RPS6KL1: variants seen among roughly 807,000 people sequenced by gnomAD.
RPS6KL1 encodes the protein ribosomal protein S6 kinase-like 1.
A neutral mutation model predicts 57.0 loss-of-function variants in RPS6KL1; 41 were observed. The ratio of observed to expected loss-of-function variants is 0.72; its 90% CI spans 0.56 to 0.93. The LOEUF (loss-of-function observed/expected upper bound fraction) is 0.93, where lower values mean the gene tolerates loss of function less well. Ranked by LOEUF, RPS6KL1 falls within the 40% of genes least tolerant of loss-of-function variation. The pLI, the probability that RPS6KL1 is intolerant of heterozygous loss-of-function variation, is 0.00. For missense variants in RPS6KL1, 697 were observed against 727.7 expected, an observed-to-expected ratio of 0.96 and a Z score of 0.49; for synonymous variants, 287 against 309.7, an observed-to-expected ratio of 0.93 and a Z score of 0.77.
intron 4 of RPS6KL1, 81 bp downstream of exon 4, chr14:74,919,764 C>A (rs1202671078): frequency 3.3e-6 from 5 of 1,501,840 alleles, no homozygotes; most frequent in Non-Finnish European, 4.5e-6. Context: ...CCAGGGCGGG[C>A]CTGTGGGTGT....
Position 74,920,104 on chromosome 14 carries a change from C to A in RPS6KL1, c.266-135G>T, listed in dbSNP as rs976567441. The A allele has an allele frequency of 1.0e-4, 119 of 1,144,862 alleles. No individual in the cohort carries two copies. In the African/African-American group the frequency reaches 1.7e-3, roughly 16 times the overall value. 70.9% of individuals were successfully genotyped at this position (1,144,862 alleles called of 1,614,324 possible). A position where few individuals can be genotyped will look rare whatever the true frequency, so the allele number is the denominator to read the frequency against. ...AGGCTGGTTCGGCAGATTCTGCCCCCAGATTGCTTCATGAGCCCCTCCTCT... is the reference window on the plus strand; with the variant it reads ...AGGCTGGTTCGGCAGATTCTGCCCCAAGATTGCTTCATGAGCCCCTCCTCT... On this transcript the variant is annotated intron_variant, in intron 3 of 11. Transcript: ENST00000557413.
chr14:74,906,780 G>A lies in RPS6KL1; in HGVS notation c.*234C>T. ...GTTGACTGATGGGTAGATGGTTCAA[G>A]CTGCTTAGCAGGGCAAGCCTTGACT... is the stretch of plus-strand genomic sequence containing the variant. On this transcript the variant is annotated 3_prime_UTR_variant, in exon 12 of 12. Transcript: ENST00000557413. The A allele has an allele frequency of 5.9e-6, 4 of 680,730 alleles. No homozygotes were observed. The highest frequency in any genetic ancestry group is 1.5e-5 in the South Asian group (1 of 67,738). The allele number at this position is 680,730 out of a possible 1,614,324, so 42.2% of individuals were successfully genotyped here. A position where few individuals can be genotyped will look rare whatever the true frequency, so the allele number is the denominator to read the frequency against.
intron 3 of RPS6KL1, 66 bp from the exon 4 acceptor site, chr14:74,920,035 A>G: frequency 1.3e-6 from 2 of 1,595,638 alleles, no homozygotes; most frequent in South Asian, 1.1e-5. Flanking sequence ...TCCAGCTCCC[A>G]TTGCCTGCCC....
rs1029894113 is a variant in RPS6KL1 at position 74,906,307 on chromosome 14, C to T, written c.*707G>A. On this transcript the variant is annotated 3_prime_UTR_variant, in exon 12 of 12. Coordinates refer to ENST00000557413, the MANE Select transcript of RPS6KL1 (RefSeq NM_031464.5). Reference sequence around the variant, plus strand: ...TCAGACTTGCTCTAAGGGGCAGACCCATGCATTCCTTCCTCCCCCCATTAC... The same window carrying T: ...TCAGACTTGCTCTAAGGGGCAGACCTATGCATTCCTTCCTCCCCCCATTAC... 2.3e-5 allele frequency: 8 copies of T among 348,916 alleles called. No individual in the cohort carries two copies. The highest frequency in any genetic ancestry group is 6.5e-5 in the African/African-American group (3 of 46,372). 21.6% of individuals were successfully genotyped at this position (348,916 alleles called of 1,614,324 possible).
chr14:74,916,630 G>A (rs1464333865), intron 5 of RPS6KL1, among the ~76,000 whole-genome samples: 2 of 151,872 alleles, frequency 1.3e-5, no homozygotes, highest in African/African-American at 2.4e-5. Context: ...GCAGTGAGCC[G>A]AGATCACGCC....
At position 74,906,612 on chromosome 14, in the gene RPS6KL1, C is replaced by T. The variant is rs774593667; in HGVS notation, c.*402G>A. 1 of 532,046 alleles carries T rather than the reference C, an allele frequency of 1.9e-6. No homozygotes were observed. The highest frequency in any genetic ancestry group is 5.4e-5 in the East Asian group (1 of 18,454). 33.0% of individuals were successfully genotyped at this position (532,046 alleles called of 1,614,324 possible). A position where few individuals can be genotyped will look rare whatever the true frequency, so the allele number is the denominator to read the frequency against. On this transcript the variant is annotated 3_prime_UTR_variant, in exon 12 of 12. Transcript: ENST00000557413. Reference sequence around the variant, plus strand: ...GGATCAGTGTCCTGAGATGAGTCTCCAGAGATGTCCTGAGTGGGGCACAAC... The same window carrying T: ...GGATCAGTGTCCTGAGATGAGTCTCTAGAGATGTCCTGAGTGGGGCACAAC...
rs1020246150 is a variant in RPS6KL1, at chr14:74,910,276, C to T, written c.665-128G>A. Reference sequence around the variant, plus strand: ...ACTTTCCGCCTCTGGGTGTCCTGGCCTAGTTCAGCCCCTCACCTCTGCTCC... The same window carrying T: ...ACTTTCCGCCTCTGGGTGTCCTGGCTTAGTTCAGCCCCTCACCTCTGCTCC... On this transcript the variant is annotated intron_variant, in intron 7 of 11. Coordinates refer to ENST00000557413, the MANE Select transcript of RPS6KL1 (RefSeq NM_031464.5). The T allele has an allele frequency of 6.4e-6, 7 of 1,095,038 alleles. No individual in the cohort carries two copies. The African/African-American group carries it at 1.1e-4, about 17-fold the overall frequency. The allele number at this position is 1,095,038 out of a possible 1,614,324, so 67.8% of individuals were successfully genotyped here.
intron 5 of RPS6KL1, among the ~76,000 whole-genome samples, chr14:74,916,524 C>CA (rs1179363060): frequency 3.3e-5 from 5 of 152,114 alleles, no homozygotes; most frequent in Non-Finnish European, 7.4e-5. Context: ...GATCTCTCTA[C>CA]AAAAAATAGA....
At chr14:74,911,690 G>T in intron 6 of RPS6KL1, 104 bp downstream of exon 6, 1 of 1,095,754 alleles carries the variant, frequency 9.1e-7, no homozygotes, top group Non-Finnish European at 1.3e-6. Context: ...AGCTTTTGTG[G>T]GAGGGAGTGC....
chr14:74,913,852 G>A (rs1886423955), intron 5 of RPS6KL1, among the ~76,000 whole-genome samples: 1 of 152,252 alleles, frequency 6.6e-6, no homozygotes, highest in African/African-American at 2.4e-5. Context: ...TGGCTGTAAA[G>A]TGGTTACTCT....
At position 74,911,347 on chromosome 14, in the gene RPS6KL1, G is replaced by A. The variant is rs753149205; in HGVS notation, c.565C>T (p.Arg189Trp). 70 of 1,609,536 alleles carry A rather than the reference G, an allele frequency of 4.3e-5. No homozygotes were observed. The highest frequency in any genetic ancestry group is 1.6e-4 in the East Asian group (7 of 44,882). The change falls in exon 7 of 12, where the codon CGG (arginine) becomes TGG (tryptophan). Residue 189 changes from arginine (R) to tryptophan (W), a missense_variant. Transcript: ENST00000557413. ...LPRCHMVSRE[R>W]LTIIPHGVPY... ...ACTCCGTGTGGGATGATGGTCAGCC[G>A]CTCCCTGCTCACCATGTGGCACCTG...
chr14:74,909,442 G>A, intron 8 of RPS6KL1, 101 bp downstream of exon 8: 1 of 1,439,426 alleles, frequency 6.9e-7, no homozygotes, highest in Non-Finnish European at 9.3e-7. Flanking sequence ...GGGCCAGGGA[G>A]GAGCAGACAA....
intron 5 of RPS6KL1, among the ~76,000 whole-genome samples, chr14:74,914,204 C>A (rs997329107): frequency 6.6e-6 from 1 of 152,222 alleles, no homozygotes; most frequent in African/African-American, 2.4e-5. Context: ...AGCCAGAGAC[C>A]GAGTCCAGCC....
In RPS6KL1 at chr14:74,910,031, G is replaced by C; in HGVS notation, c.782C>G (p.Thr261Ser). ...ATGGCCTGAGGGAAGCCTCGCTGGG[G>C]TCAGGAGGTTGAGGTGGGGGTTGAG... Reference protein sequence around the residue: ...AQLNPHLNLLTPARLPSGHAP... With the variant: ...AQLNPHLNLLSPARLPSGHAP... The change falls in exon 8 of 12, where the codon ACC becomes AGC. Residue 261 changes from threonine to serine, a missense_variant. Thr to Ser is a moderately conservative substitution (Grantham distance 58). Coordinates refer to ENST00000557413, the MANE Select transcript of RPS6KL1 (RefSeq NM_031464.5). 6.2e-7 allele frequency: 1 copy of C among 1,613,658 alleles called. No individual in the cohort carries two copies. The highest frequency in any genetic ancestry group is 8.5e-7 in the Non-Finnish European group (1 of 1,179,880).
In RPS6KL1 at chr14:74,904,944, C is replaced by T. The variant is rs1296125487; in HGVS notation, c.*2070G>A. On this transcript the variant is annotated 3_prime_UTR_variant, in exon 12 of 12. Coordinates refer to ENST00000557413, the MANE Select transcript of RPS6KL1 (RefSeq NM_031464.5). The stretch of plus-strand genomic sequence containing the variant: ...CTGAGCTCTTGCAGTGAGGCCATCC[C>T]TCTGTGAAGGTCTGTCACAGGAGGG... 4 of 152,174 alleles carry T rather than the reference C, an allele frequency of 2.6e-5. No individual in the cohort carries two copies. Among genetic ancestry groups the T allele is most frequent in the Admixed American group, 2.0e-4 (3 of 15,280 alleles). 9.4% of individuals were successfully genotyped at this position (152,174 alleles called of 1,614,324 possible). A position where few individuals can be genotyped will look rare whatever the true frequency, so the allele number is the denominator to read the frequency against.
intron 5 of RPS6KL1, among the ~76,000 whole-genome samples, chr14:74,915,168 T>C (rs1886636580): frequency 6.6e-6 from 1 of 152,240 alleles, no homozygotes; most frequent in Non-Finnish European, 1.5e-5. Flanking sequence ...GCACTTGAAA[T>C]GTGACTGGTG....
intron 5 of RPS6KL1, among the ~76,000 whole-genome samples, chr14:74,915,524 CAGG>C (rs1886683727): frequency 6.6e-6 from 1 of 152,188 alleles, no homozygotes; most frequent in Non-Finnish European, 1.5e-5. Flanking sequence ...ATCAAAATCC[CAGG>C]AGGACTCTCC....
chr14:74,916,561 G>A (rs955596654), intron 5 of RPS6KL1, among the ~76,000 whole-genome samples: 1 of 152,048 alleles, frequency 6.6e-6, no homozygotes, highest in Non-Finnish European at 1.5e-5. Context: ...TGAGACTGTG[G>A]TCCCAGCTAC....
intron 5 of RPS6KL1, among the ~76,000 whole-genome samples, chr14:74,913,429 C>T (rs113500698): frequency 0.13 from 19,760 of 152,076 alleles, 1,478 homozygotes; most frequent in South Asian, 0.29. Context: ...TAGTGGTGCC[C>T]GCCTGTAATC....
Sources: gnomAD v4.1 joint callset for allele counts (sites outside exome capture counted in the v4.1 genomes callset) on GRCh38, gnomAD v4.1.1 for gene constraint, MANE v1.5 for transcripts, NCBI Gene and HGNC (gene_info 2026-07-23, HGNC 2026-07-21) for gene names.